ACMSD: variants seen among roughly 807,000 people sequenced by gnomAD.
The protein encoded by ACMSD is aminocarboxymuconate semialdehyde decarboxylase, also known as 2-amino-3-carboxymuconate-6-semialdehyde decarboxylase.
Under a neutral mutation model 45.9 loss-of-function variants are expected in ACMSD, and 37 were observed. The ratio of observed to expected loss-of-function variants is 0.81; its 90% CI spans 0.62 to 1.06. The LOEUF (loss-of-function observed/expected upper bound fraction) is 1.06, where lower values mean the gene tolerates loss of function less well. Ranked by LOEUF, ACMSD falls within the 50% of genes least tolerant of loss-of-function variation. ACMSD has a pLI of 0.00. For synonymous variants in ACMSD, 138 were observed against 148.8 expected (o/e 0.93, Z 0.53); for missense variants, 434 against 420.9 (o/e 1.03, Z -0.27).
At position 134,867,865 on chromosome 2, in the gene ACMSD, A is replaced by G. The variant is rs1054941491; in HGVS notation, c.580+193A>G. 4 of 372,400 alleles carry G rather than the reference A, an allele frequency of 1.1e-5. No individual in the cohort carries two copies. In the Admixed American group the frequency reaches 1.8e-4, roughly 17 times the overall value. 23.1% of individuals were successfully genotyped at this position (372,400 alleles called of 1,614,324 possible). A position where few individuals can be genotyped will look rare whatever the true frequency, so the allele number is the denominator to read the frequency against. On this transcript the variant is annotated intron_variant, in intron 6 of 9. Transcript: ENST00000356140. Reference sequence around the variant, plus strand: ...TATATAACCTCATTTAATTTTAAACATATCCAATACCATCATAAATAAATC... The same window carrying G: ...TATATAACCTCATTTAATTTTAAACGTATCCAATACCATCATAAATAAATC...
chr2:134,852,829 G>T (rs1232645493), intron 2 of ACMSD, among the ~76,000 whole-genome samples: 1 of 152,030 alleles, frequency 6.6e-6, no homozygotes, highest in African/African-American at 2.4e-5. Flanking sequence ...CTAGGGGGAT[G>T]GGGAGGAGAA....
chr2:134,885,843 A>G (rs1689408393), intron 8 of ACMSD, among the ~76,000 whole-genome samples: 1 of 152,154 alleles, frequency 6.6e-6, no homozygotes, highest in South Asian at 2.1e-4. Flanking sequence ...TTACTCTATT[A>G]GAAAATTGCT....
At chr2:134,871,323 T>C (rs1688424540) in intron 7 of ACMSD, among the ~76,000 whole-genome samples, 1 of 152,170 alleles carries the variant, frequency 6.6e-6, no homozygotes, top group African/African-American at 2.4e-5. Flanking sequence ...CCCCACCTTA[T>C]GACCTCATGT....
Position 134,865,644 on chromosome 2 carries a change from G to A in ACMSD, c.487-1935G>A, listed in dbSNP as rs183093018. On this transcript the variant is annotated intron_variant, in intron 5 of 9. Coordinates refer to ENST00000356140, the MANE Select transcript of ACMSD (RefSeq NM_138326.3). ...CCTGCCTCTCTGCTCTCTAGTTTGC[G>A]TCAATAATGTGCTGAAATGAATTAT... Among the ~76,000 whole-genome samples the A allele has an allele frequency of 1.1e-4, 16 of 152,182 alleles. No homozygotes were observed. In the South Asian group the frequency reaches 1.5e-3, roughly 14 times the overall value.
At chr2:134,846,505 G>A (rs1224188756) in intron 2 of ACMSD, among the ~76,000 whole-genome samples, 1 of 152,170 alleles carries the variant, frequency 6.6e-6, no homozygotes, top group Non-Finnish European at 1.5e-5. Context: ...TCAGGTTTAA[G>A]TGATCCTCCC....
intron 2 of ACMSD, among the ~76,000 whole-genome samples, chr2:134,854,829 G>T (rs1377310090): frequency 6.6e-6 from 1 of 151,366 alleles, no homozygotes; most frequent in Non-Finnish European, 1.5e-5. Context: ...GACAGAAAAA[G>T]TGAGGCTTAA....
At chr2:134,861,841 G>C in intron 3 of ACMSD, 128 bp from the exon 4 acceptor site, 2 of 951,114 alleles carry the variant, frequency 2.1e-6, no homozygotes, top group East Asian at 2.4e-5. Flanking sequence ...AGAGGACTGA[G>C]AGGGACGCAG....
chr2:134,863,719 G>A (rs779478109), intron 5 of ACMSD, 88 bp downstream of exon 5: 403 of 1,351,010 alleles, frequency 3.0e-4, no homozygotes, highest in Non-Finnish European at 4.0e-4. Flanking sequence ...GAGGTGAAGC[G>A]TCACCCCACT....
intron 8 of ACMSD, among the ~76,000 whole-genome samples, chr2:134,887,804 G>A (rs2104938812): frequency 6.6e-6 from 1 of 152,240 alleles, no homozygotes; most frequent in East Asian, 1.9e-4. Context: ...GCTGAAGCAA[G>A]AATCCATCAT....
intron 2 of ACMSD, among the ~76,000 whole-genome samples, chr2:134,854,024 G>T (rs182724946): frequency 1.3e-5 from 2 of 152,326 alleles, no homozygotes; most frequent in Admixed American, 1.3e-4. Context: ...TACCAGCTAA[G>T]CATATGGCCT....
At chr2:134,877,743 A>G (rs1688824709) in intron 8 of ACMSD, 1 of 152,136 alleles carries the variant, frequency 6.6e-6, no homozygotes, top group Non-Finnish European at 1.5e-5. Context: ...TTGAACACAC[A>G]CCAGAGAGAA....
At chr2:134,893,700 G>T (rs1490517512) in intron 8 of ACMSD, among the ~76,000 whole-genome samples, 1 of 152,012 alleles carries the variant, frequency 6.6e-6, no homozygotes, top group Non-Finnish European at 1.5e-5. Flanking sequence ...AAAGAAAGAA[G>T]AAAAAATACT....
chr2:134,863,928 T>G (rs1300308474), intron 5 of ACMSD, among the ~76,000 whole-genome samples: 3 of 152,108 alleles, frequency 2.0e-5, no homozygotes, highest in Non-Finnish European at 4.4e-5. Context: ...AAATACCCTC[T>G]TTACAGCCAC....
chr2:134,856,122 A>G (rs1266359758), intron 2 of ACMSD, among the ~76,000 whole-genome samples: 3 of 152,226 alleles, frequency 2.0e-5, no homozygotes, highest in Non-Finnish European at 2.9e-5. Flanking sequence ...TAAGCGCTTT[A>G]TATGGATTAT....
At chr2:134,895,363 A>AT (rs1325867233) in intron 8 of ACMSD, among the ~76,000 whole-genome samples, 64 of 76,348 alleles carry the variant, frequency 8.4e-4, no homozygotes, top group Admixed American at 1.8e-3. Flanking sequence ...TATATAATAT[A>AT]TATATATGTT....
chr2:134,840,665 C>A (rs913169743), intron 1 of ACMSD, among the ~76,000 whole-genome samples: 5 of 152,208 alleles, frequency 3.3e-5, no homozygotes, highest in African/African-American at 1.2e-4. Flanking sequence ...TTCCCAGCTT[C>A]CAAACTCCCT....
intron 8 of ACMSD, among the ~76,000 whole-genome samples, chr2:134,881,723 G>C (rs768744797): frequency 2.6e-5 from 4 of 152,102 alleles, no homozygotes; most frequent in South Asian, 2.1e-4. Flanking sequence ...AATTTCTCAG[G>C]CTGCGCATAA....
Position 134,895,638 on chromosome 2 carries a change from A to G in ACMSD, c.850-2703A>G, listed in dbSNP as rs191216360. 1.6e-4 allele frequency among the ~76,000 whole-genome samples: 25 copies of G among 152,172 alleles called. No individual in the cohort carries two copies. The East Asian group carries it at 4.4e-3, about 27-fold the overall frequency. On this transcript the variant is annotated intron_variant, in intron 8 of 9. Coordinates refer to ENST00000356140, the MANE Select transcript of ACMSD (RefSeq NM_138326.3). Reference sequence around the variant, plus strand: ...CACTTTGGGAGGCCAAGGTGGGTGGATCACCTGAGATCAGGAGTTTGAGAC... The same window carrying G: ...CACTTTGGGAGGCCAAGGTGGGTGGGTCACCTGAGATCAGGAGTTTGAGAC...
At position 134,870,996 on chromosome 2, in the gene ACMSD, C is replaced by T. The variant is rs773402188; in HGVS notation, c.612C>T (p.Cys204=). ...GMPAETTIAI[C]SMIMGGVFEK... ...CAGCAGAGACCACCATAGCCATTTG[C>T]TCCATGATCATGGGTGGAGTATTTG... The change falls in exon 7 of 10, where the codon TGC becomes TGT. Residue 204 remains cysteine, a synonymous_variant. Coordinates refer to ENST00000356140, the MANE Select transcript of ACMSD (RefSeq NM_138326.3). 17 of 1,614,030 alleles carry T rather than the reference C, an allele frequency of 1.1e-5. No individual in the cohort carries two copies. In the Admixed American group the frequency reaches 2.5e-4, roughly 24 times the overall value.
Sources: allele counts gnomAD v4.1 joint callset (sites outside exome capture counted in the v4.1 genomes callset), GRCh38; gene constraint gnomAD v4.1.1; transcripts MANE v1.5; gene names NCBI Gene and HGNC (gene_info 2026-07-23, HGNC 2026-07-21).